The following PSG7 variants were observed in gnomAD, a reference collection of about 807,000 sequenced individuals.
PSG7 encodes pregnancy-specific beta-1-glycoprotein 7.
Under a neutral mutation model 45.6 loss-of-function variants are expected in PSG7, and 57 were observed. The ratio of observed to expected loss-of-function variants is 1.25; its 90% CI spans 1.01 to 1.56. PSG7 has a LOEUF of 1.56. Among genes scored for constraint, PSG7 ranks in the 40% most tolerant of loss-of-function variants. PSG7 has a pLI of 0.00. For synonymous variants in PSG7, 298 were observed against 194.4 expected, an observed-to-expected ratio of 1.53 and a Z score of -4.43; for missense variants, 796 against 508.4, an observed-to-expected ratio of 1.57 and a Z score of -5.44.
Position 42,929,709 on chromosome 19 carries a change from TG to T in PSG7, c.441del (p.Lys148AsnfsTer18). The T allele has an allele frequency of 6.2e-7, 1 of 1,612,026 alleles. No homozygotes were observed. Among genetic ancestry groups the T allele is most frequent in the Non-Finnish European group, 8.5e-7 (1 of 1,179,002 alleles). On this transcript the variant is annotated frameshift_variant, in exon 3 of 6. Coordinates refer to ENST00000406070, the MANE Select transcript of PSG7 (RefSeq NM_002783.3). LOFTEE classifies it high-confidence loss of function. The part of the protein sequence containing the change: ...RFTFTLYLET[P>X]KPSISSSNFN... ...AAATTGCTGCTGGAGATGGAGGGTT[TG>T]GGAGTCTCCACTGTGCGGAAAACAG...
intron 4 of PSG7, 175 bp from the exon 5 acceptor site, chr19:42,926,202 A>G: frequency 7.2e-7 from 1 of 1,395,168 alleles, no homozygotes; most frequent in South Asian, 1.5e-5. Flanking sequence ...CTCCCATCAC[A>G]AGCTGTGGGC....
chr19:42,937,130 T>C lies in PSG7; in HGVS notation c.-54A>G. On this transcript the variant is annotated 5_prime_UTR_variant, in exon 1 of 6. Transcript: ENST00000406070. ...GTGGAGATGAGCCTAGGATCCAGAA[T>C]CTTCCTGAGCACGGCTGTCAGCTGT... 6.3e-7 allele frequency: 1 copy of C among 1,591,446 alleles called. No homozygotes were observed. Among genetic ancestry groups the C allele is most frequent in the Non-Finnish European group, 8.6e-7 (1 of 1,164,270 alleles).
chr19:42,930,563 A>G (rs990943580), intron 2 of PSG7, among the ~76,000 whole-genome samples: 4 of 151,744 alleles, frequency 2.6e-5, no homozygotes, highest in East Asian at 3.9e-4. Context: ...AAGGGTGAAC[A>G]TGAACTGATG....
At position 42,929,363 on chromosome 19, in the gene PSG7, G is replaced by T. The variant is rs567283565; in HGVS notation, c.709+79C>A. The T allele has an allele frequency of 8.7e-6, 14 of 1,609,188 alleles. No individual in the cohort carries two copies. In the African/African-American group the frequency reaches 1.5e-4, roughly 17 times the overall value. On this transcript the variant is annotated intron_variant, in intron 3 of 5. Transcript: ENST00000406070. ...TAAAGGTCTACATACTTGGACCTGAGAGGGACTGAGAAGCCCGGCCTCTGG... is the reference window on the plus strand; with the variant it reads ...TAAAGGTCTACATACTTGGACCTGATAGGGACTGAGAAGCCCGGCCTCTGG...
chr19:42,933,465 A>G (rs568240115), intron 2 of PSG7, among the ~76,000 whole-genome samples: 5 of 148,762 alleles, frequency 3.4e-5, no homozygotes, highest in African/African-American at 7.4e-5. Flanking sequence ...AATACAGTGG[A>G]AGCTCATTCT....
Position 42,924,345 on chromosome 19 carries a change from T to G in PSG7, c.*463A>C. On this transcript the variant is annotated 3_prime_UTR_variant, in exon 6 of 6. Transcript: ENST00000406070. ...GTTCATTTCTATTGGGAGCCCTGTA[T>G]GCAAGATGGAGAGAGCCACATTTCC... 2 of 411,124 alleles carry G rather than the reference T, an allele frequency of 4.9e-6. No individual in the cohort carries two copies. Among genetic ancestry groups the G allele is most frequent in the Non-Finnish European group, 4.3e-6 (1 of 233,918 alleles). 25.5% of individuals were successfully genotyped at this position (411,124 alleles called of 1,614,324 possible).
chr19:42,935,437 C>T lies in PSG7; in HGVS notation c.397G>A (p.Gly133Arg), dbSNP rs1191307647. 1 of 1,612,132 alleles carries T rather than the reference C, an allele frequency of 6.2e-7. No individual in the cohort carries two copies. The highest frequency in any genetic ancestry group is 1.3e-5 in the African/African-American group (1 of 74,754). Residue 133 changes from glycine to arginine, a missense_variant, in exon 2 of 6, where the codon GGA becomes AGA. Physicochemically the swap from Gly to Arg is moderately radical, Grantham distance 125. Coordinates refer to ENST00000406070, the MANE Select transcript of PSG7 (RefSeq NM_002783.3). ...HIIKRGDGTGGVTGRFTFTLY... is the reference protein window; with the variant it reads ...HIIKRGDGTGRVTGRFTFTLY... Reference sequence around the variant, plus strand: ...GTGAAGGTGAAACGTCCAGTTACTCCTCCAGTCCCATCACCTCGCTTTATG... The same window carrying T: ...GTGAAGGTGAAACGTCCAGTTACTCTTCCAGTCCCATCACCTCGCTTTATG...
chr19:42,928,940 T>A (rs905062642), intron 3 of PSG7, among the ~76,000 whole-genome samples: 4 of 151,602 alleles, frequency 2.6e-5, no homozygotes, highest in Non-Finnish European at 1.5e-5. Flanking sequence ...CAGCCAAGAA[T>A]GCTCGGCCAG....
Position 42,930,548 on chromosome 19 carries a change from G to T in PSG7, c.431-828C>A, listed in dbSNP as rs190724010. On this transcript the variant is annotated intron_variant, in intron 2 of 5. Coordinates refer to ENST00000406070, the MANE Select transcript of PSG7 (RefSeq NM_002783.3). Reference sequence around the variant, plus strand: ...ATGTTTGCAAATACAGAACTGACTGGTGGAAAGGGTGAACATGAACTGATG... The same window carrying T: ...ATGTTTGCAAATACAGAACTGACTGTTGGAAAGGGTGAACATGAACTGATG... 4.6e-5 allele frequency among the ~76,000 whole-genome samples: 7 copies of T among 151,850 alleles called. 1 individual carries two copies. Among genetic ancestry groups the T allele is most frequent in the African/African-American group, 1.7e-4 (7 of 41,362 alleles).
rs150824471 is a variant in PSG7, at chr19:42,936,188, C to G, written c.65-419G>C. ...TTGACCTTTCCCTGCTCTGCTCCCT[C>G]CAGGGTTCTTGTCAACACCTGATCT... On this transcript the variant is annotated intron_variant, in intron 1 of 5. Coordinates refer to ENST00000406070, the MANE Select transcript of PSG7 (RefSeq NM_002783.3). 2.1e-3 allele frequency: 393 copies of G among 186,912 alleles called. 11 individuals are homozygous for G. Among genetic ancestry groups the G allele is most frequent in the African/African-American group, 7.5e-3 (320 of 42,518 alleles). The allele number at this position is 186,912 out of a possible 1,614,324, so 11.6% of individuals were successfully genotyped here.
chr19:42,926,211 G>A lies in PSG7; in HGVS notation c.989-184C>T, dbSNP rs143254658. The A allele has an allele frequency of 1.8e-3, 2,567 of 1,387,590 alleles. 36 individuals are homozygous for A. Among genetic ancestry groups the A allele is most frequent in the Middle Eastern group, 7.7e-3 (29 of 3,788 alleles). The allele number at this position is 1,387,590 out of a possible 1,614,324, so 86.0% of individuals were successfully genotyped here. A position where few individuals can be genotyped will look rare whatever the true frequency, so the allele number is the denominator to read the frequency against. On this transcript the variant is annotated intron_variant, in intron 4 of 5. Coordinates refer to ENST00000406070, the MANE Select transcript of PSG7 (RefSeq NM_002783.3). Reference sequence around the variant, plus strand: ...CTGTTTCTCCCATCACAAGCTGTGGGCCCCAAGTCTCCCATGACAAGAGCG... The same window carrying A: ...CTGTTTCTCCCATCACAAGCTGTGGACCCCAAGTCTCCCATGACAAGAGCG...
At chr19:42,926,793 G>T (rs59007873) in intron 3 of PSG7, 77 bp from the exon 4 acceptor site, 1 of 1,577,300 alleles carries the variant, frequency 6.3e-7, no homozygotes, top group African/African-American at 1.4e-5. Context: ...ATTAGAGTTG[G>T]CATCTCCCAC....
At position 42,925,964 on chromosome 19, in the gene PSG7, T is replaced by G; in HGVS notation, c.1052A>C (p.Tyr351Ser). Residue 351 changes from tyrosine to serine, a missense_variant, in exon 5 of 6, where the codon TAC becomes TCC. Tyr to Ser is a moderately radical substitution (Grantham distance 144). Transcript: ENST00000406070. ...GTTAGAGTCCGCAAAGCAGGACAAGTAGAGGTTTTGTCCTGAATGGTAATA... is the reference window on the plus strand; with the variant it reads ...GTTAGAGTCCGCAAAGCAGGACAAGGAGAGGTTTTGTCCTGAATGGTAATA... ...FTYYHSGQNL[Y>S]LSCFADSNPP... The G allele has an allele frequency of 6.2e-7, 1 of 1,612,032 alleles. No individual in the cohort carries two copies. Among genetic ancestry groups the G allele is most frequent in the Non-Finnish European group, 8.5e-7 (1 of 1,179,060 alleles).
intron 2 of PSG7, among the ~76,000 whole-genome samples, chr19:42,931,699 A>T (rs534072878): frequency 2.6e-5 from 4 of 151,430 alleles, no homozygotes; most frequent in African/African-American, 9.7e-5. Flanking sequence ...ATGAGGAAAC[A>T]GTTGTATGTG....
chr19:42,934,425 G>A (rs183604454), intron 2 of PSG7, among the ~76,000 whole-genome samples: 20 of 151,622 alleles, frequency 1.3e-4, no homozygotes, highest in Admixed American at 5.3e-4. Context: ...CAGACCTCAT[G>A]TGACCCTGAT....
chr19:42,926,376 C>A, intron 4 of PSG7, 62 bp downstream of exon 4: 1 of 1,597,658 alleles, frequency 6.3e-7, no homozygotes, highest in South Asian at 1.1e-5. Flanking sequence ...GGCCTCTGGT[C>A]GTTTGGAGTT....
At chr19:42,926,179 T>A in intron 4 of PSG7, 152 bp from the exon 5 acceptor site, 1 of 1,426,616 alleles carries the variant, frequency 7.0e-7, no homozygotes, top group Non-Finnish European at 9.4e-7. Flanking sequence ...AAGCCTGAGG[T>A]ATTCACCTGT....
At chr19:42,935,176 C>A (rs1356014459) in intron 2 of PSG7, among the ~76,000 whole-genome samples, 2 of 151,896 alleles carry the variant, frequency 1.3e-5, no homozygotes, top group Non-Finnish European at 2.9e-5. Flanking sequence ...CCCCATCAGA[C>A]TGTCCTTCCT....
At chr19:42,936,650 T>C (rs1973158096) in intron 1 of PSG7, among the ~76,000 whole-genome samples, 1 of 151,314 alleles carries the variant, frequency 6.6e-6, no homozygotes, top group African/African-American at 2.4e-5. Context: ...TTTTTCTTTT[T>C]TCCTTTTTTT....
Sources: allele counts gnomAD v4.1 joint callset (sites outside exome capture counted in the v4.1 genomes callset), GRCh38; gene constraint gnomAD v4.1.1; transcripts MANE v1.5; gene names NCBI Gene and HGNC (gene_info 2026-07-23, HGNC 2026-07-21).